The following PLPP4 variants were observed in gnomAD, a reference collection of about 807,000 sequenced individuals.
PLPP4 encodes diacylglycerol pyrophosphate like 2.
PLPP4 carries 20 observed loss-of-function variants against 32.2 expected under a neutral mutation model. That is an observed-to-expected ratio of 0.62 (90% CI 0.44 to 0.90). The LOEUF (loss-of-function observed/expected upper bound fraction) is 0.90. PLPP4 is among the 40% of genes least tolerant of loss of function. The pLI is 0.00. For missense variants in PLPP4, 257 were observed against 353.1 expected, an observed-to-expected ratio of 0.73 and a Z score of 2.18; for synonymous variants, 127 against 133.0, an observed-to-expected ratio of 0.95 and a Z score of 0.31.
intron 5 of PLPP4, among the ~76,000 whole-genome samples, chr10:120,556,111 G>A (rs1485187300): frequency 6.6e-6 from 1 of 152,098 alleles, no homozygotes; most frequent in Non-Finnish European, 1.5e-5. Flanking sequence ...TTACCTTCTG[G>A]AATTCCAAGT....
At chr10:120,572,650 G>A (rs938626732) in intron 5 of PLPP4, among the ~76,000 whole-genome samples, 1 of 152,172 alleles carries the variant, frequency 6.6e-6, no homozygotes, top group African/African-American at 2.4e-5. Context: ...AACTTGCAAA[G>A]CCACCTGATT....
At chr10:120,515,942 G>A (rs116514680) in intron 3 of PLPP4, among the ~76,000 whole-genome samples, 152 of 152,308 alleles carry the variant, frequency 1.0e-3, no homozygotes, top group African/African-American at 3.4e-3. Flanking sequence ...GTAGCTCACA[G>A]TTGCCTTCTC....
intron 2 of PLPP4, among the ~76,000 whole-genome samples, chr10:120,509,292 A>G (rs1158339625): frequency 6.6e-6 from 1 of 152,226 alleles, no homozygotes; most frequent in South Asian, 2.1e-4. Context: ...AAGAGGTTAC[A>G]TGATTTGCTC....
chr10:120,551,280 G>C (rs1847889579), intron 5 of PLPP4, among the ~76,000 whole-genome samples: 4 of 152,166 alleles, frequency 2.6e-5, no homozygotes, highest in Non-Finnish European at 5.9e-5. Flanking sequence ...TGTTGCTGGT[G>C]ATGTATAAAT....
At chr10:120,528,763 T>G (rs1846551542) in intron 5 of PLPP4, among the ~76,000 whole-genome samples, 1 of 152,188 alleles carries the variant, frequency 6.6e-6, no homozygotes, top group Non-Finnish European at 1.5e-5. Flanking sequence ...TGGAGGGCAA[T>G]GTTTCTCAAC....
chr10:120,589,187 T>A (rs1849902930), intron 6 of PLPP4, 116 bp from the exon 7 acceptor site: 2 of 928,050 alleles, frequency 2.2e-6, no homozygotes, highest in Non-Finnish European at 3.4e-6. Flanking sequence ...TTTCAGGGGG[T>A]CCTGTAAGCA....
chr10:120,565,632 T>C (rs1848659357), intron 5 of PLPP4, among the ~76,000 whole-genome samples: 1 of 152,172 alleles, frequency 6.6e-6, no homozygotes, highest in Non-Finnish European at 1.5e-5. Context: ...GTTTTATTAA[T>C]ACTGTGTCTA....
chr10:120,584,436 C>T (rs995622850), intron 6 of PLPP4, among the ~76,000 whole-genome samples: 1 of 152,216 alleles, frequency 6.6e-6, no homozygotes, highest in Admixed American at 6.5e-5. Flanking sequence ...CAGCCTGTGT[C>T]CTAGGCTTGG....
chr10:120,572,201 C>G (rs757208636), intron 5 of PLPP4, among the ~76,000 whole-genome samples: 6 of 152,198 alleles, frequency 3.9e-5, no homozygotes, highest in Non-Finnish European at 7.3e-5. Flanking sequence ...TTTACCTACC[C>G]TTCAAAGAAT....
intron 6 of PLPP4, among the ~76,000 whole-genome samples, 193 bp downstream of exon 6, chr10:120,575,494 A>C (rs2134055931): frequency 6.6e-6 from 1 of 152,314 alleles, no homozygotes; most frequent in East Asian, 1.9e-4. Context: ...TCCTGGGGAA[A>C]GAATTGGAGC....
At chr10:120,503,514 C>T (rs1845361107) in intron 1 of PLPP4, 3 of 1,576,620 alleles carry the variant, frequency 1.9e-6, no homozygotes, top group Middle Eastern at 3.3e-4. Flanking sequence ...ATTCTGACTT[C>T]AGTTTCCAGT....
intron 5 of PLPP4, among the ~76,000 whole-genome samples, chr10:120,571,091 G>GGTGTGT (rs1325313688): frequency 9.4e-5 from 7 of 74,126 alleles, no homozygotes; most frequent in African/African-American, 3.8e-4. Flanking sequence ...GTAGTAAAGG[G>GGTGTGT]GCGTGTGTGT....
chr10:120,461,026 A>G (rs1848021119), intron 1 of PLPP4, among the ~76,000 whole-genome samples: 1 of 152,186 alleles, frequency 6.6e-6, no homozygotes, highest in African/African-American at 2.4e-5. Context: ...TCCTGTGAGC[A>G]ATTCCTTCCA....
intron 1 of PLPP4, among the ~76,000 whole-genome samples, chr10:120,485,531 C>T (rs781449897): frequency 1.3e-5 from 2 of 152,210 alleles, no homozygotes; most frequent in African/African-American, 4.8e-5. Context: ...GCTTAACTCA[C>T]ACCAAATAGC....
chr10:120,573,726 A>G (rs1849048628), intron 5 of PLPP4, among the ~76,000 whole-genome samples: 1 of 152,190 alleles, frequency 6.6e-6, no homozygotes, highest in African/African-American at 2.4e-5. Flanking sequence ...GGTCTCTTAT[A>G]AAGACAATGA....
chr10:120,512,693 G>T (rs915622544), intron 2 of PLPP4, among the ~76,000 whole-genome samples: 2 of 152,144 alleles, frequency 1.3e-5, no homozygotes, highest in Non-Finnish European at 2.9e-5. Flanking sequence ...TGCACCTGTA[G>T]TCCCAGCTAC....
At chr10:120,554,832 A>G (rs1848078470) in intron 5 of PLPP4, among the ~76,000 whole-genome samples, 1 of 152,118 alleles carries the variant, frequency 6.6e-6, no homozygotes, top group Non-Finnish European at 1.5e-5. Flanking sequence ...CAAGGGGGAA[A>G]TCTGCCCCCA....
At chr10:120,497,355 T>C (rs192978509) in intron 1 of PLPP4, among the ~76,000 whole-genome samples, 3 of 152,286 alleles carry the variant, frequency 2.0e-5, no homozygotes, top group African/African-American at 7.2e-5. Context: ...GAGTGGATTA[T>C]CCCTGCATCT....
chr10:120,466,343 C>G (rs1033871641), intron 1 of PLPP4, among the ~76,000 whole-genome samples: 4 of 152,040 alleles, frequency 2.6e-5, no homozygotes, highest in Admixed American at 2.0e-4. Flanking sequence ...AGCAGCATTG[C>G]ACTTAATAGC....
Sources: allele counts gnomAD v4.1 joint callset (sites outside exome capture counted in the v4.1 genomes callset), GRCh38; gene constraint gnomAD v4.1.1; transcripts MANE v1.5; gene names NCBI Gene and HGNC (gene_info 2026-07-23, HGNC 2026-07-21).